REEP3: variants seen among roughly 807,000 people sequenced by gnomAD.
REEP3 encodes receptor accessory protein 3.
In REEP3, 20 loss-of-function variants were observed where a neutral mutation model predicts 41.3. That is an observed-to-expected ratio of 0.48 (90% CI 0.34 to 0.70). REEP3 has a LOEUF of 0.70. Ranked by LOEUF, REEP3 falls within the 30% of genes least tolerant of loss-of-function variation. REEP3 has a pLI of 0.01. For missense variants in REEP3, 271 were observed against 308.8 expected, an observed-to-expected ratio of 0.88 and a Z score of 0.92; for synonymous variants, 104 against 101.8, an observed-to-expected ratio of 1.02 and a Z score of -0.13.
At chr10:63,585,192 C>T (rs529018730) in intron 2 of REEP3, among the ~76,000 whole-genome samples, 2 of 152,282 alleles carry the variant, frequency 1.3e-5, no homozygotes, top group Admixed American at 6.5e-5. Flanking sequence ...TCTGTGCTTG[C>T]TTTCCAGGCA....
At chr10:63,600,234 G>A (rs1249986204) in intron 5 of REEP3, among the ~76,000 whole-genome samples, 1 of 152,116 alleles carries the variant, frequency 6.6e-6, no homozygotes, top group African/African-American at 2.4e-5. Context: ...ATAGTGAAGG[G>A]ATATGAAATG....
At chr10:63,562,936 G>T (rs988288715) in intron 1 of REEP3, 6 of 456,402 alleles carry the variant, frequency 1.3e-5, no homozygotes, top group Non-Finnish European at 2.2e-5. Context: ...TTATTTAAAG[G>T]TGTGATTAAG....
intron 1 of REEP3, among the ~76,000 whole-genome samples, chr10:63,551,974 TC>T (rs1955632715): frequency 6.6e-6 from 1 of 152,200 alleles, no homozygotes; most frequent in African/African-American, 2.4e-5. Flanking sequence ...TCACACTTTT[TC>T]TGCAAAACTG....
intron 1 of REEP3, among the ~76,000 whole-genome samples, chr10:63,551,915 GAAT>G (rs892828608): frequency 6.6e-6 from 1 of 152,132 alleles, no homozygotes; most frequent in Admixed American, 6.5e-5. Context: ...AAAATTTTAA[GAAT>G]AAGAGAAATC....
intron 2 of REEP3, among the ~76,000 whole-genome samples, chr10:63,594,341 C>T (rs567132656): frequency 4.7e-4 from 71 of 152,012 alleles, no homozygotes; most frequent in Non-Finnish European, 7.9e-4. Context: ...GAGTCATGAT[C>T]GTAATTGTAC....
chr10:63,540,660 A>G (rs1955519971), intron 1 of REEP3, among the ~76,000 whole-genome samples: 1 of 152,164 alleles, frequency 6.6e-6, no homozygotes. Context: ...GGACCCTGAC[A>G]TTTCTACCGG....
chr10:63,575,654 A>G (rs992389352), intron 2 of REEP3, among the ~76,000 whole-genome samples: 7 of 151,728 alleles, frequency 4.6e-5, no homozygotes, highest in African/African-American at 1.7e-4. Flanking sequence ...CCTTCAATGG[A>G]TCTTTTAATT....
chr10:63,544,581 GA>G (rs1220809436), intron 1 of REEP3, among the ~76,000 whole-genome samples: 1 of 152,126 alleles, frequency 6.6e-6, no homozygotes, highest in East Asian at 1.9e-4. Flanking sequence ...TTTAGAGAAG[GA>G]ATGATGAGCT....
intron 2 of REEP3, among the ~76,000 whole-genome samples, chr10:63,585,306 A>G (rs1349596713): frequency 6.6e-6 from 1 of 152,176 alleles, no homozygotes; most frequent in Non-Finnish European, 1.5e-5. Context: ...AACCAACCAT[A>G]TGGATATGTT....
intron 5 of REEP3, among the ~76,000 whole-genome samples, chr10:63,607,776 A>G (rs1256230202): frequency 6.6e-6 from 1 of 152,212 alleles, no homozygotes; most frequent in East Asian, 1.9e-4. Flanking sequence ...ACCTATCCCA[A>G]CAATAGAAGT....
chr10:63,556,626 GTTGTTTTGTTTTTTTT>G (rs1955686534), intron 1 of REEP3, among the ~76,000 whole-genome samples: 5 of 87,106 alleles, frequency 5.7e-5, no homozygotes, highest in Admixed American at 1.3e-4. Context: ...TTTTTTTTTT[GTTGTTTTGTTTTTTTT>G]TTTTTTTTTT....
At chr10:63,556,633 T>TTTG (rs1955687281) in intron 1 of REEP3, among the ~76,000 whole-genome samples, 1 of 39,626 alleles carries the variant, frequency 2.5e-5, no homozygotes, top group East Asian at 6.5e-4. Flanking sequence ...TTTGTTGTTT[T>TTTG]GTTTTTTTTT....
intron 2 of REEP3, among the ~76,000 whole-genome samples, chr10:63,591,376 A>C (rs549185821): frequency 6.6e-6 from 1 of 152,056 alleles, no homozygotes; most frequent in Non-Finnish European, 1.5e-5. Context: ...CCTGTATTCA[A>C]CTATATTTAA....
chr10:63,574,956 A>G (rs1955885728), intron 2 of REEP3, among the ~76,000 whole-genome samples: 2 of 145,506 alleles, frequency 1.4e-5, no homozygotes, highest in Admixed American at 7.2e-5. Context: ...TCCCGGATTC[A>G]AGCAATTCTC....
At chr10:63,588,907 G>T (rs1197242561) in intron 2 of REEP3, among the ~76,000 whole-genome samples, 1 of 152,154 alleles carries the variant, frequency 6.6e-6, no homozygotes, top group Non-Finnish European at 1.5e-5. Flanking sequence ...TTTTAGACAA[G>T]GAAACAGCAT....
At chr10:63,603,252 G>T (rs1331226436) in intron 5 of REEP3, among the ~76,000 whole-genome samples, 2 of 139,852 alleles carry the variant, frequency 1.4e-5, no homozygotes, top group African/African-American at 5.4e-5. Context: ...GGCGGAGCTT[G>T]CAGTGAGCCG....
intron 6 of REEP3, among the ~76,000 whole-genome samples, chr10:63,611,140 C>T (rs1393061554): frequency 7.9e-5 from 12 of 152,154 alleles, no homozygotes; most frequent in Non-Finnish European, 1.8e-4. Context: ...AAAGTAGCCT[C>T]TTTTGCTGCC....
At chr10:63,548,459 T>C (rs938716946) in intron 1 of REEP3, among the ~76,000 whole-genome samples, 1 of 152,204 alleles carries the variant, frequency 6.6e-6, no homozygotes, top group African/African-American at 2.4e-5. Flanking sequence ...TTTTTTACCA[T>C]AAGCATCAAA....
chr10:63,598,667 C>T (rs2133411833), intron 4 of REEP3, among the ~76,000 whole-genome samples: 1 of 151,550 alleles, frequency 6.6e-6, no homozygotes, highest in Non-Finnish European at 1.5e-5. Flanking sequence ...ACCCATAGTC[C>T]CAGCTACTCG....
Sources: gnomAD v4.1 joint callset for allele counts (sites outside exome capture counted in the v4.1 genomes callset) on GRCh38, gnomAD v4.1.1 for gene constraint, MANE v1.5 for transcripts, NCBI Gene and HGNC (gene_info 2026-07-23, HGNC 2026-07-21) for gene names.